Variants in IRAK2 observed in about 807,000 individuals in gnomAD.
IRAK2 encodes the protein interleukin-1 receptor-associated kinase-like 2.
A neutral mutation model predicts 72.0 loss-of-function variants in IRAK2; 57 were observed. The observed-to-expected ratio is 0.79, with a 90% CI of 0.64 to 0.99. IRAK2 has a LOEUF of 0.99. IRAK2 is among the 50% of genes least tolerant of loss of function. The probability of loss-of-function intolerance (pLI) is 0.00; values close to 1 mark genes in which losing one functional copy is unlikely to be tolerated. For missense variants in IRAK2, 790 were observed against 794.4 expected, an observed-to-expected ratio of 0.99 and a Z score of 0.07; for synonymous variants, 293 against 312.7, an observed-to-expected ratio of 0.94 and a Z score of 0.67.
chr3:10,238,587 A>G (rs1341511719), intron 11 of IRAK2, among the ~76,000 whole-genome samples, 161 bp from the exon 12 acceptor site: 1 of 152,192 alleles, frequency 6.6e-6, no homozygotes, highest in Non-Finnish European at 1.5e-5. Flanking sequence ...GTGGGCAAGC[A>G]CAGGTCTTTT....
In IRAK2 at chr3:10,234,535, T is replaced by C; in HGVS notation, c.1349T>C (p.Met450Thr). The C allele has an allele frequency of 1.2e-6, 2 of 1,614,130 alleles. No homozygotes were observed. Among genetic ancestry groups the C allele is most frequent in the Non-Finnish European group, 8.5e-7 (1 of 1,180,006 alleles). The change falls in exon 11 of 13, where the codon ATG (methionine) becomes ACG (threonine). Residue 450 changes from methionine (M) to threonine (T), a missense_variant. Transcript: ENST00000256458. ...CSRKTGVENV[M>T]AKEICQKYLE... is the part of the protein sequence containing the mutation. Reference sequence around the variant, plus strand: ...AGGAAGACGGGCGTGGAGAACGTGATGGCAAAGGAGATCTGCCAGAAGTAC... The same window carrying C: ...AGGAAGACGGGCGTGGAGAACGTGACGGCAAAGGAGATCTGCCAGAAGTAC...
chr3:10,238,222 G>A (rs903809815), intron 11 of IRAK2, among the ~76,000 whole-genome samples: 1 of 152,090 alleles, frequency 6.6e-6, no homozygotes, highest in African/African-American at 2.4e-5. Context: ...GCATTGCTCT[G>A]GTTTCAGGGA....
chr3:10,179,665 C>T (rs1696931650), intron 2 of IRAK2, among the ~76,000 whole-genome samples: 1 of 152,084 alleles, frequency 6.6e-6, no homozygotes, highest in Non-Finnish European at 1.5e-5. Context: ...AACTCCTGAC[C>T]TCAAATGATC....
At chr3:10,213,586 C>A (rs1396812059) in intron 6 of IRAK2, 38 bp downstream of exon 6, 1 of 1,493,260 alleles carries the variant, frequency 6.7e-7, no homozygotes, top group South Asian at 1.1e-5. Context: ...TGATAGCTAA[C>A]CTTTATATAG....
chr3:10,226,755 T>TA lies in IRAK2; in HGVS notation c.1272+331dup, dbSNP rs1449232377. 4.7e-4 allele frequency among the ~76,000 whole-genome samples: 70 copies of TA among 149,798 alleles called. 1 individual carries two copies. The highest frequency in any genetic ancestry group is 3.4e-3 in the Middle Eastern group (1 of 294). On this transcript the variant is annotated intron_variant, in intron 10 of 12. Coordinates refer to ENST00000256458, the MANE Select transcript of IRAK2 (RefSeq NM_001570.4). Reference sequence around the variant, plus strand: ...CAACATGGTGAAACCCTGTCTCTATTAAAAAAAAAGAAAAGAAAAAACTTA... The same window carrying TA: ...CAACATGGTGAAACCCTGTCTCTATTAAAAAAAAAAGAAAAGAAAAAACTTA...
In IRAK2 at chr3:10,242,152, C is replaced by T. The variant is rs765669913; in HGVS notation, c.1802C>T (p.Ala601Val). 7 of 1,613,260 alleles carry T rather than the reference C, an allele frequency of 4.3e-6. No individual in the cohort carries two copies. The Admixed American group carries it at 1.2e-4, about 27-fold the overall frequency. The change falls in exon 13 of 13, where the codon GCC (alanine) becomes GTC (valine). Residue 601 changes from alanine to valine, a missense_variant. Transcript: ENST00000256458. ...ETSWQIEINE[A>V]KRKLMENILL... ...TCGTGGCAAATTGAGATCAATGAGGCCAAAAGGAAACTGATGGAGAATATT... is the reference window on the plus strand; with the variant it reads ...TCGTGGCAAATTGAGATCAATGAGGTCAAAAGGAAACTGATGGAGAATATT...
At chr3:10,224,335 TC>T (rs1697738401) in intron 9 of IRAK2, among the ~76,000 whole-genome samples, 3 of 115,808 alleles carry the variant, frequency 2.6e-5, no homozygotes, top group Non-Finnish European at 1.7e-5. Context: ...AGATTCTGTC[TC>T]AAAAAAAAAA....
chr3:10,236,626 G>A (rs796981632), intron 11 of IRAK2, among the ~76,000 whole-genome samples: 9 of 152,286 alleles, frequency 5.9e-5, no homozygotes, highest in African/African-American at 1.9e-4. Context: ...GGGATTATGG[G>A]CCTGAGCCAC....
intron 7 of IRAK2, 105 bp from the exon 8 acceptor site, chr3:10,219,574 TC>T: frequency 1.3e-6 from 1 of 753,988 alleles, no homozygotes; most frequent in Non-Finnish European, 2.3e-6. Context: ...TGCCTGGGCC[TC>T]CCAGTGTGCT....
At chr3:10,166,024 C>T (rs1222618655) in intron 1 of IRAK2, among the ~76,000 whole-genome samples, 1 of 151,834 alleles carries the variant, frequency 6.6e-6, no homozygotes, top group African/African-American at 2.4e-5. Flanking sequence ...CCACCGCGCC[C>T]GGCCTCCGGA....
intron 2 of IRAK2, among the ~76,000 whole-genome samples, chr3:10,188,558 C>T (rs1575962593): frequency 6.6e-6 from 1 of 151,528 alleles, no homozygotes; most frequent in East Asian, 1.9e-4. Flanking sequence ...TGGAGTTTCG[C>T]TCTTGTTGCC....
intron 2 of IRAK2, among the ~76,000 whole-genome samples, chr3:10,178,419 T>G (rs1696911961): frequency 1.3e-5 from 2 of 150,522 alleles, no homozygotes; most frequent in Admixed American, 1.3e-4. Flanking sequence ...ATTGCACCAC[T>G]GCACTCCAGC....
chr3:10,165,432 G>GT (rs1171297125), intron 1 of IRAK2, among the ~76,000 whole-genome samples: 1,891 of 145,700 alleles, frequency 0.013, 19 homozygotes, highest in Middle Eastern at 0.028. Context: ...TTCTTGGGGG[G>GT]GTGTGTGTGT....
chr3:10,172,014 G>A (rs1190550549), intron 1 of IRAK2, among the ~76,000 whole-genome samples: 1 of 152,054 alleles, frequency 6.6e-6, no homozygotes, highest in Non-Finnish European at 1.5e-5. Flanking sequence ...AAGGTGGGAG[G>A]ACCACGAGGT....
intron 2 of IRAK2, among the ~76,000 whole-genome samples, chr3:10,183,533 C>T (rs1350411810): frequency 6.6e-6 from 1 of 152,104 alleles, no homozygotes; most frequent in Non-Finnish European, 1.5e-5. Flanking sequence ...CTGGCTAACA[C>T]AGTGAAACCC....
chr3:10,233,459 C>T (rs1306213092), intron 10 of IRAK2, among the ~76,000 whole-genome samples: 1 of 151,952 alleles, frequency 6.6e-6, no homozygotes, highest in Non-Finnish European at 1.5e-5. Flanking sequence ...ATTAAATATG[C>T]TTACATATTT....
At chr3:10,195,265 T>C (rs530856956) in intron 2 of IRAK2, among the ~76,000 whole-genome samples, 18 of 152,208 alleles carry the variant, frequency 1.2e-4, no homozygotes, top group African/African-American at 2.7e-4. Flanking sequence ...TTACCCTGAA[T>C]AGGACACTGG....
intron 10 of IRAK2, among the ~76,000 whole-genome samples, chr3:10,228,543 G>T (rs1411284737): frequency 1.3e-5 from 2 of 152,120 alleles, no homozygotes; most frequent in African/African-American, 4.8e-5. Context: ...GGCTTTTGAG[G>T]CACTGACAGG....
intron 3 of IRAK2, among the ~76,000 whole-genome samples, chr3:10,207,885 C>A (rs549636822): frequency 3.3e-5 from 5 of 150,948 alleles, no homozygotes; most frequent in Non-Finnish European, 7.4e-5. Flanking sequence ...CCAGCTACTT[C>A]GTAGGCTGAG....
Sources: allele counts gnomAD v4.1 joint callset (sites outside exome capture counted in the v4.1 genomes callset), GRCh38; gene constraint gnomAD v4.1.1; transcripts MANE v1.5; gene names NCBI Gene and HGNC (gene_info 2026-07-23, HGNC 2026-07-21).